The following SHOC2 variants were observed in gnomAD, a reference collection of about 807,000 sequenced individuals.
SHOC2 encodes the protein SHOC2 leucine rich repeat scaffold protein, also known as leucine-rich repeat protein SHOC-2.
A neutral mutation model predicts 50.2 loss-of-function variants in SHOC2; 4 were observed. The observed-to-expected ratio is 0.08, with a 90% confidence interval of 0.04 to 0.18. The LOEUF is 0.18. Among genes scored for constraint, SHOC2 ranks in the 10% least tolerant of loss-of-function variants. The pLI, the probability that SHOC2 is intolerant of heterozygous loss-of-function variation, is 1.00. For missense variants in SHOC2, 388 were observed against 669.6 expected (o/e 0.58, Z 4.64); for synonymous variants, 218 against 244.5 (o/e 0.89, Z 1.01).
At chr10:110,956,193 T>C (rs531241586) in intron 1 of SHOC2, among the ~76,000 whole-genome samples, 2 of 127,224 alleles carry the variant, frequency 1.6e-5, no homozygotes, top group Admixed American at 2.0e-4. Flanking sequence ...ATTTCATGTC[T>C]TTTTTTTTTT....
At chr10:110,990,186 C>CTCCA (rs1848155230) in intron 3 of SHOC2, among the ~76,000 whole-genome samples, 1 of 152,242 alleles carries the variant, frequency 6.6e-6, no homozygotes, top group Admixed American at 6.5e-5. Context: ...CCACCTGCAG[C>CTCCA]CCTGGTGCGG....
intron 3 of SHOC2, among the ~76,000 whole-genome samples, chr10:110,997,185 A>G (rs530349052): frequency 6.6e-6 from 1 of 152,372 alleles, no homozygotes; most frequent in Non-Finnish European, 1.5e-5. Flanking sequence ...TATACTATTA[A>G]AAACATGTAC....
At chr10:110,933,850 T>C (rs1846942426) in intron 1 of SHOC2, among the ~76,000 whole-genome samples, 1 of 152,140 alleles carries the variant, frequency 6.6e-6, no homozygotes, top group Non-Finnish European at 1.5e-5. Context: ...TCCAGTCCAG[T>C]GATGCCCATA....
chr10:110,991,702 A>G (rs541937900), intron 3 of SHOC2, among the ~76,000 whole-genome samples: 52 of 152,310 alleles, frequency 3.4e-4, no homozygotes, highest in Admixed American at 2.7e-3. Context: ...GTTTGGTGGG[A>G]AACTTTGACG....
intron 1 of SHOC2, among the ~76,000 whole-genome samples, chr10:110,931,646 T>C (rs915857844): frequency 6.6e-6 from 1 of 152,162 alleles, no homozygotes; most frequent in Non-Finnish European, 1.5e-5. Context: ...ATGCATGAGA[T>C]GAAACCTTGT....
chr10:110,981,876 T>TTTTTATTATACTC (rs369735711), intron 2 of SHOC2, among the ~76,000 whole-genome samples: 57,939 of 134,844 alleles, frequency 0.43, 13,568 homozygotes, highest in Non-Finnish European at 0.52. Flanking sequence ...ATTTATTTTT[T>TTTTTATTATACTC]TAAGTTTTAG....
intron 8 of SHOC2, among the ~76,000 whole-genome samples, chr10:111,011,061 A>G (rs1002318160): frequency 6.6e-6 from 1 of 152,180 alleles, no homozygotes; most frequent in Non-Finnish European, 1.5e-5. Context: ...CTAAGAAAAA[A>G]TTTTTAAAGG....
intron 2 of SHOC2, among the ~76,000 whole-genome samples, chr10:110,980,058 T>G (rs1847945872): frequency 6.6e-6 from 1 of 152,190 alleles, no homozygotes; most frequent in South Asian, 2.1e-4. Flanking sequence ...AGTTTGTGTT[T>G]TAAATATTCA....
At chr10:110,944,034 G>A (rs1176720081) in intron 1 of SHOC2, among the ~76,000 whole-genome samples, 8 of 152,108 alleles carry the variant, frequency 5.3e-5, no homozygotes, top group Non-Finnish European at 1.0e-4. Context: ...TTTCTTGCTC[G>A]TCTCAAAGGA....
At chr10:111,009,133 C>A (rs1468263073) in intron 6 of SHOC2, 115 bp from the exon 7 acceptor site, 7 of 661,736 alleles carry the variant, frequency 1.1e-5, no homozygotes, top group Non-Finnish European at 1.9e-5. Flanking sequence ...TGAACATCAC[C>A]CTTAATATTC....
At chr10:110,947,561 A>G (rs189374000) in intron 1 of SHOC2, among the ~76,000 whole-genome samples, 1 of 152,362 alleles carries the variant, frequency 6.6e-6, no homozygotes, top group Non-Finnish European at 1.5e-5. Flanking sequence ...GTTGATAAAT[A>G]TATAATCTAA....
chr10:110,967,611 G>A (rs533219215), intron 2 of SHOC2, among the ~76,000 whole-genome samples: 5 of 152,204 alleles, frequency 3.3e-5, no homozygotes, highest in East Asian at 1.9e-4. Context: ...GAACCCTTAA[G>A]CAATCACTCC....
At chr10:110,995,335 A>T (rs972481616) in intron 3 of SHOC2, among the ~76,000 whole-genome samples, 2 of 152,242 alleles carry the variant, frequency 1.3e-5, no homozygotes, top group Non-Finnish European at 2.9e-5. Context: ...GTGTGCTGGT[A>T]TATCCAGTTT....
chr10:110,981,816 C>A (rs1447784528), intron 2 of SHOC2, among the ~76,000 whole-genome samples: 1 of 150,818 alleles, frequency 6.6e-6, no homozygotes, highest in Non-Finnish European at 1.5e-5. Flanking sequence ...GATGTATAAT[C>A]CCTTTTATAT....
chr10:110,936,303 C>T (rs1847009272), intron 1 of SHOC2, among the ~76,000 whole-genome samples: 1 of 151,578 alleles, frequency 6.6e-6, no homozygotes, highest in Non-Finnish European at 1.5e-5. Flanking sequence ...GGGGTTTCAC[C>T]ATGTGGCCAG....
chr10:111,001,344 G>T lies in SHOC2; in HGVS notation c.972+799G>T, dbSNP rs550126740. Among the ~76,000 whole-genome samples the T allele has an allele frequency of 2.7e-3, 415 of 151,802 alleles. 1 individual carries two copies. The highest frequency in any genetic ancestry group is 4.9e-3 in the Non-Finnish European group (332 of 67,914). ...TAATTTTGTATTTTTAGTAGAGATGGGGGTTTCACCATGTTGGCCAGGCTG... is the reference window on the plus strand; with the variant it reads ...TAATTTTGTATTTTTAGTAGAGATGTGGGTTTCACCATGTTGGCCAGGCTG... On this transcript the variant is annotated intron_variant, in intron 4 of 8. Coordinates refer to ENST00000369452, the MANE Select transcript of SHOC2 (RefSeq NM_007373.4).
At chr10:110,943,581 C>T (rs1252771441) in intron 1 of SHOC2, among the ~76,000 whole-genome samples, 1 of 151,996 alleles carries the variant, frequency 6.6e-6, no homozygotes, top group African/African-American at 2.4e-5. Context: ...CAACTTTTAC[C>T]TAAGTGAACA....
At chr10:110,949,686 A>C (rs1477189165) in intron 1 of SHOC2, among the ~76,000 whole-genome samples, 1 of 152,180 alleles carries the variant, frequency 6.6e-6, no homozygotes, top group Non-Finnish European at 1.5e-5. Context: ...ATCCTCAACA[A>C]AATACTACTA....
At chr10:110,998,186 A>G (rs1222477389) in intron 3 of SHOC2, among the ~76,000 whole-genome samples, 11 of 151,906 alleles carry the variant, frequency 7.2e-5, no homozygotes, top group Non-Finnish European at 2.9e-5. Flanking sequence ...TTTAGTAGAG[A>G]TGGGGTTTCA....
Sources: gnomAD v4.1 joint callset for allele counts (sites outside exome capture counted in the v4.1 genomes callset) on GRCh38, gnomAD v4.1.1 for gene constraint, MANE v1.5 for transcripts, NCBI Gene and HGNC (gene_info 2026-07-23, HGNC 2026-07-21) for gene names.